HSPA4L: variants seen among roughly 807,000 people sequenced by gnomAD.
HSPA4L encodes heat shock 70 kDa protein 4L.
HSPA4L carries 48 observed loss-of-function variants against 100.3 expected under a neutral mutation model. The ratio of observed to expected loss-of-function variants is 0.48; its 90% confidence interval spans 0.38 to 0.61. The LOEUF is 0.61. HSPA4L is among the 20% of genes least tolerant of loss of function. The pLI, the probability that HSPA4L is intolerant of heterozygous loss-of-function variation, is 0.00. For missense variants in HSPA4L, 886 were observed against 988.6 expected (o/e 0.90, Z 1.39); for synonymous variants, 319 against 328.2 (o/e 0.97, Z 0.30).
chr4:127,803,371 A>G (rs959881871), intron 6 of HSPA4L, among the ~76,000 whole-genome samples: 3 of 147,474 alleles, frequency 2.0e-5, no homozygotes, highest in Non-Finnish European at 4.5e-5. Context: ...GTTGTAATTC[A>G]GTTATTTCTG....
In HSPA4L at chr4:127,811,507, T is replaced by C. The variant is rs777578124; in HGVS notation, c.1449T>C (p.Arg483=). The C allele has an allele frequency of 1.9e-6, 3 of 1,613,980 alleles. No homozygotes were observed. Among genetic ancestry groups the C allele is most frequent in the Middle Eastern group, 3.3e-4 (2 of 6,060 alleles). Residue 483 remains arginine (R), a synonymous_variant, in exon 12 of 19, where the codon CGT becomes CGC. Coordinates refer to ENST00000296464, the MANE Select transcript of HSPA4L (RefSeq NM_014278.4). ...GDSSKVKVKV[R]VNIHGIFSVA... ...GTTCCAAAGTGAAGGTTAAAGTTCG[T>C]GTTAACATCCATGGAATCTTCAGTG...
At chr4:127,826,455 G>T (rs1280395905) in intron 16 of HSPA4L, among the ~76,000 whole-genome samples, 1 of 151,978 alleles carries the variant, frequency 6.6e-6, no homozygotes, top group African/African-American at 2.4e-5. Context: ...ACTATAAAAA[G>T]TATGACGTGA....
intron 8 of HSPA4L, among the ~76,000 whole-genome samples, chr4:127,804,737 G>A (rs530304425): frequency 1.4e-4 from 21 of 151,816 alleles, no homozygotes; most frequent in African/African-American, 3.9e-4. Flanking sequence ...TTGCTTTTTC[G>A]TAAGGATTTT....
At chr4:127,813,196 G>A (rs894193970) in intron 12 of HSPA4L, 22 of 1,368,316 alleles carry the variant, frequency 1.6e-5, no homozygotes, top group African/African-American at 5.7e-5. Flanking sequence ...CTTTGTGTTC[G>A]TCATTTTGGC....
rs1733781988 is a variant in HSPA4L, at chr4:127,820,494, G to C, written c.1741G>C (p.Asp581His). 6.2e-7 allele frequency: 1 copy of C among 1,602,528 alleles called. No homozygotes were observed. Among genetic ancestry groups the C allele is most frequent in the African/African-American group, 1.4e-5 (1 of 74,024 alleles). ...TAAAAAAGGAAAAGTCAAAAGTATT[G>C]ATCTACCGATCCAGAGTAGCCTATG... ...TLKKGKVKSI[D>H]LPIQSSLCRQ... Residue 581 changes from aspartate to histidine, a missense_variant, in exon 14 of 19, where the codon GAT (aspartate) becomes CAT (histidine). Physicochemically the swap from Asp to His is moderately conservative, Grantham distance 81 (BLOSUM62 -1). Transcript: ENST00000296464.
intron 14 of HSPA4L, 135 bp downstream of exon 14, chr4:127,820,700 AT>A: frequency 1.3e-6 from 1 of 760,468 alleles, no homozygotes; most frequent in Non-Finnish European, 2.1e-6. Context: ...TTACTAAACT[AT>A]TTTTTACAAA....
intron 14 of HSPA4L, among the ~76,000 whole-genome samples, chr4:127,822,210 TTGCGAAC>T (rs1360122449): frequency 6.6e-6 from 1 of 152,196 alleles, no homozygotes; most frequent in Non-Finnish European, 1.5e-5. Flanking sequence ...CTTTCTGTCT[TTGCGAAC>T]TGCCTAGTTA....
At chr4:127,810,931 A>G (rs1733509056) in intron 11 of HSPA4L, among the ~76,000 whole-genome samples, 1 of 152,200 alleles carries the variant, frequency 6.6e-6, no homozygotes, top group African/African-American at 2.4e-5. Context: ...GAGAAATAAA[A>G]CATCAGTAGA....
intron 10 of HSPA4L, among the ~76,000 whole-genome samples, chr4:127,807,525 A>G (rs986801989): frequency 1.3e-5 from 2 of 152,102 alleles, no homozygotes; most frequent in African/African-American, 4.8e-5. Context: ...CAAATGGAGT[A>G]AAGTAGCAAA....
At chr4:127,809,548 T>C (rs1733468388) in intron 11 of HSPA4L, 1 of 749,224 alleles carries the variant, frequency 1.3e-6, no homozygotes, top group Non-Finnish European at 2.4e-6. Context: ...CAGTGCTAGA[T>C]GAACTGTGAC....
intron 4 of HSPA4L, 34 bp from the exon 5 acceptor site, chr4:127,801,104 A>C: frequency 6.7e-7 from 1 of 1,483,918 alleles, no homozygotes; most frequent in Non-Finnish European, 9.3e-7. Flanking sequence ...GTTTACATAA[A>C]ACATTATACT....
chr4:127,828,856 A>G (rs149739472), intron 17 of HSPA4L, among the ~76,000 whole-genome samples: 111 of 152,246 alleles, frequency 7.3e-4, no homozygotes, highest in Admixed American at 6.8e-3. Flanking sequence ...ATCTTCTTCA[A>G]TATGCACATT....
chr4:127,793,885 A>C (rs1295873434), intron 1 of HSPA4L, among the ~76,000 whole-genome samples, 192 bp from the exon 2 acceptor site: 1 of 152,172 alleles, frequency 6.6e-6, no homozygotes, highest in Non-Finnish European at 1.5e-5. Context: ...AAAAAATTGT[A>C]ACATTTATTC....
Position 127,837,346 on chromosome 4 carries a change from A to C in HSPA4L, c.*4472A>C, listed in dbSNP as rs1236373078. ...TTTGTTTTGTGATATTTTATTGTAT[A>C]AACTGTTAATGAGAGGCACAGCTAA... On this transcript the variant is annotated 3_prime_UTR_variant, in exon 19 of 19. Transcript: ENST00000296464. 1 of 152,226 alleles carries C rather than the reference A, an allele frequency of 6.6e-6. No homozygotes were observed. Among genetic ancestry groups the C allele is most frequent in the Non-Finnish European group, 1.5e-5 (1 of 68,036 alleles). The allele number at this position is 152,226 out of a possible 1,614,324, so 9.4% of individuals were successfully genotyped here.
intron 6 of HSPA4L, among the ~76,000 whole-genome samples, chr4:127,803,276 CTGT>C (rs1273789409): frequency 1.3e-5 from 2 of 152,052 alleles, no homozygotes; most frequent in Non-Finnish European, 2.9e-5. Flanking sequence ...ATGCTTAGGA[CTGT>C]TTCTTTGCTC....
chr4:127,784,079 C>A (rs1414526901), intron 1 of HSPA4L, among the ~76,000 whole-genome samples: 1 of 152,196 alleles, frequency 6.6e-6, no homozygotes, highest in Non-Finnish European at 1.5e-5. Context: ...TCGATGAATT[C>A]GTCTCTACAA....
chr4:127,813,167 G>A (rs534336161), intron 12 of HSPA4L: 13 of 1,436,584 alleles, frequency 9.0e-6, no homozygotes, highest in Admixed American at 5.0e-5. Flanking sequence ...AACATATATC[G>A]GGTGCCTCTC....
In HSPA4L at chr4:127,834,498, C is replaced by G. The variant is rs1560675307; in HGVS notation, c.*1624C>G. The G allele has an allele frequency of 6.6e-6, 1 of 152,080 alleles. No homozygotes were observed. Among genetic ancestry groups the G allele is most frequent in the Non-Finnish European group, 1.5e-5 (1 of 67,988 alleles). 9.4% of individuals were successfully genotyped at this position (152,080 alleles called of 1,614,324 possible). ...TATTCCGTCTTTTGAGGGGAAGAAT[C>G]TCTTTTTTGCATTAAAAAATCATAT... On this transcript the variant is annotated 3_prime_UTR_variant, in exon 19 of 19. Transcript: ENST00000296464.
chr4:127,829,431 A>G (rs1041959896), intron 17 of HSPA4L, among the ~76,000 whole-genome samples: 2 of 152,080 alleles, frequency 1.3e-5, no homozygotes, highest in South Asian at 4.1e-4. Flanking sequence ...AGATGGAATA[A>G]GACATTATTA....
Sources: gnomAD v4.1 joint callset for allele counts (sites outside exome capture counted in the v4.1 genomes callset) on GRCh38, gnomAD v4.1.1 for gene constraint, MANE v1.5 for transcripts, NCBI Gene and HGNC (gene_info 2026-07-23, HGNC 2026-07-21) for gene names.